PDK1: variants seen among roughly 807,000 people sequenced by gnomAD.
The protein encoded by PDK1 is [Pyruvate dehydrogenase (acetyl-transferring)] kinase isozyme 1, mitochondrial.
PDK1 carries 39 observed loss-of-function variants against 54.2 expected under a neutral mutation model. The ratio of observed to expected loss-of-function variants is 0.72; its 90% CI spans 0.56 to 0.94. The LOEUF (loss-of-function observed/expected upper bound fraction) is 0.94, where lower values mean the gene tolerates loss of function less well. Ranked by LOEUF, PDK1 falls within the 40% of genes least tolerant of loss-of-function variation. The pLI is 0.00. For missense variants in PDK1, 552 were observed against 566.0 expected (o/e 0.98, Z 0.25); for synonymous variants, 221 against 207.1 (o/e 1.07, Z -0.58).
Position 172,599,435 on chromosome 2 carries a change from C to T in PDK1, c.*3466C>T, listed in dbSNP as rs1691037708. On this transcript the variant is annotated 3_prime_UTR_variant, in exon 11 of 11. Coordinates refer to ENST00000282077, the MANE Select transcript of PDK1 (RefSeq NM_002610.5). ...TCAGCCAACTAATTTCAGTTTATGT[C>T]TTTAATTGTGATGTAAGTGTGAAGT... The T allele has an allele frequency of 6.6e-6, 1 of 152,080 alleles. No individual in the cohort carries two copies. The highest frequency in any genetic ancestry group is 2.4e-5 in the African/African-American group (1 of 41,424). The allele number at this position is 152,080 out of a possible 1,614,324, so 9.4% of individuals were successfully genotyped here.
intron 1 of PDK1, chr2:172,556,764 T>C (rs1382235662): frequency 1.3e-5 from 2 of 158,958 alleles, no homozygotes; most frequent in African/African-American, 4.8e-5. Context: ...TGCATAGAAT[T>C]GGCGTGATAA....
At chr2:172,635,809 T>C in the PDK1 span, among the ~76,000 whole-genome samples, 1 of 152,178 alleles carries the variant, frequency 6.6e-6, no homozygotes, top group Non-Finnish European at 1.5e-5. Flanking sequence ...GTATTTCCTC[T>C]TCCCCACATC....
chr2:172,583,292 T>TG (rs1404375460), intron 8 of PDK1, among the ~76,000 whole-genome samples: 4 of 131,088 alleles, frequency 3.1e-5, no homozygotes, highest in African/African-American at 9.2e-5. Context: ...TTTTTTTTTT[T>TG]TTTTTTTTTT....
intron 8 of PDK1, among the ~76,000 whole-genome samples, chr2:172,579,564 CTT>C (rs1011297440): frequency 1.6e-5 from 2 of 128,826 alleles, no homozygotes; most frequent in African/African-American, 6.1e-5. Context: ...AGAGGAGAGA[CTT>C]TTGCAGGTTC....
the PDK1 span, among the ~76,000 whole-genome samples, chr2:172,632,710 G>A: frequency 2.0e-5 from 3 of 151,848 alleles, no homozygotes; most frequent in African/African-American, 4.8e-5. Flanking sequence ...GGCCGGGCAC[G>A]GTGGCTCACG....
At chr2:172,592,292 C>G (rs1217713985) in intron 9 of PDK1, among the ~76,000 whole-genome samples, 1 of 152,034 alleles carries the variant, frequency 6.6e-6, no homozygotes, top group Admixed American at 6.6e-5. Flanking sequence ...TTCTTTACTA[C>G]TTCTATCTCT....
the PDK1 span, among the ~76,000 whole-genome samples, chr2:172,647,554 G>A: frequency 7.2e-3 from 1,097 of 152,136 alleles, 19 homozygotes; most frequent in African/African-American, 0.025. Flanking sequence ...AAAAAGTTAA[G>A]TATCCATGAG....
the PDK1 span, among the ~76,000 whole-genome samples, chr2:172,690,313 A>G: frequency 2.0e-5 from 3 of 150,496 alleles, no homozygotes; most frequent in Non-Finnish European, 4.4e-5. Flanking sequence ...ACCATCTCAC[A>G]CCAGTTAGAA....
At chr2:172,589,298 A>T (rs980972067) in intron 9 of PDK1, among the ~76,000 whole-genome samples, 4 of 152,234 alleles carry the variant, frequency 2.6e-5, no homozygotes, top group African/African-American at 9.6e-5. Flanking sequence ...TTTTACAAAG[A>T]AACTAATTAC....
the PDK1 span, among the ~76,000 whole-genome samples, chr2:172,622,312 ATATAT>A: frequency 2.9e-5 from 4 of 136,570 alleles, no homozygotes; most frequent in South Asian, 6.7e-4. Flanking sequence ...TTTATATCTC[ATATAT>A]TATGTGAGAT....
At chr2:172,637,886 T>C in the PDK1 span, among the ~76,000 whole-genome samples, 4 of 152,168 alleles carry the variant, frequency 2.6e-5, no homozygotes, top group East Asian at 7.8e-4. Context: ...TTAGTAGAGA[T>C]GGCGTTTCAC....
rs371793695 is a variant in PDK1 at position 172,588,114 on chromosome 2, CCTT to C, written c.1056+1729_1056+1731del. 5.9e-5 allele frequency among the ~76,000 whole-genome samples: 9 copies of C among 152,350 alleles called. No individual in the cohort carries two copies. In the East Asian group the frequency reaches 1.4e-3, roughly 23 times the overall value. ...GTTGAAATGCTTGCTCTAGTAATGTCCTTCTCCAATTCAGATACATGCCCTCCA... is the reference window on the plus strand; with the variant it reads ...GTTGAAATGCTTGCTCTAGTAATGTCCTCCAATTCAGATACATGCCCTCCA... On this transcript the variant is annotated intron_variant, in intron 9 of 10. Coordinates refer to ENST00000282077, the MANE Select transcript of PDK1 (RefSeq NM_002610.5).
chr2:172,616,285 A>T, the PDK1 span, among the ~76,000 whole-genome samples: 5 of 152,352 alleles, frequency 3.3e-5, no homozygotes, highest in East Asian at 9.6e-4. Flanking sequence ...CATATTTGGA[A>T]TGCTAAAAAC....
At chr2:172,587,344 C>T (rs1690295364) in intron 9 of PDK1, among the ~76,000 whole-genome samples, 1 of 152,076 alleles carries the variant, frequency 6.6e-6, no homozygotes, top group South Asian at 2.1e-4. Context: ...TGTTACAGCT[C>T]ATAAAGGCAG....
the PDK1 span, among the ~76,000 whole-genome samples, chr2:172,650,780 ACTAT>A: frequency 3.0e-4 from 45 of 152,364 alleles, no homozygotes; most frequent in African/African-American, 1.0e-3. Flanking sequence ...AGAAGAGCTA[ACTAT>A]CCTAAATAAA....
At chr2:172,592,870 C>G in intron 9 of PDK1, 65 bp from the exon 10 acceptor site, 1 of 860,718 alleles carries the variant, frequency 1.2e-6, no homozygotes, top group Non-Finnish European at 2.0e-6. Flanking sequence ...TGGCATCTAT[C>G]TTAATTAGAA....
the PDK1 span, among the ~76,000 whole-genome samples, chr2:172,681,010 T>G: frequency 6.6e-6 from 1 of 152,246 alleles, no homozygotes; most frequent in African/African-American, 2.4e-5. Flanking sequence ...ATACTCCATC[T>G]TTCACCTGGC....
chr2:172,591,421 G>A (rs1690581652), intron 9 of PDK1, among the ~76,000 whole-genome samples: 1 of 152,230 alleles, frequency 6.6e-6, no homozygotes, highest in Non-Finnish European at 1.5e-5. Context: ...ATTCTCAGCA[G>A]TGAGGAGGTT....
chr2:172,631,480 A>G, the PDK1 span, among the ~76,000 whole-genome samples: 1 of 152,234 alleles, frequency 6.6e-6, no homozygotes, highest in Non-Finnish European at 1.5e-5. Context: ...TGTTTGGGAC[A>G]GCAATATATA....
Sources: allele counts gnomAD v4.1 joint callset (sites outside exome capture counted in the v4.1 genomes callset), GRCh38; gene constraint gnomAD v4.1.1; transcripts MANE v1.5; gene names NCBI Gene and HGNC (gene_info 2026-07-23, HGNC 2026-07-21).